Variants in ENTHD1 observed in about 807,000 individuals in gnomAD.
ENTHD1 encodes the protein ENTH domain-containing protein 1.
ENTHD1 carries 23 observed loss-of-function variants against 39.1 expected under a neutral mutation model. The ratio of observed to expected loss-of-function variants is 0.59; its 90% CI spans 0.42 to 0.83. ENTHD1 has a LOEUF of 0.83. Ranked by LOEUF, ENTHD1 falls within the 40% of genes least tolerant of loss-of-function variation. ENTHD1 has a pLI of 0.00. For missense variants in ENTHD1, 624 were observed against 705.4 expected, an observed-to-expected ratio of 0.88 and a Z score of 1.31; for synonymous variants, 230 against 258.2, an observed-to-expected ratio of 0.89 and a Z score of 1.05.
intron 2 of ENTHD1, among the ~76,000 whole-genome samples, chr22:39,881,851 G>A (rs1482803607): frequency 1.3e-5 from 2 of 152,162 alleles, no homozygotes; most frequent in Non-Finnish European, 2.9e-5. Flanking sequence ...AGCCATGCAG[G>A]TTTCTGGAAA....
At chr22:39,858,900 TCTC>T (rs1181799980) in intron 3 of ENTHD1, among the ~76,000 whole-genome samples, 2 of 152,174 alleles carry the variant, frequency 1.3e-5, no homozygotes, top group African/African-American at 4.8e-5. Flanking sequence ...GGCATTGACT[TCTC>T]CTCTCTAGCT....
chr22:39,842,508 CT>C (rs2065952677), intron 3 of ENTHD1, among the ~76,000 whole-genome samples: 2 of 152,168 alleles, frequency 1.3e-5, no homozygotes, highest in African/African-American at 4.8e-5. Context: ...TGCTGATACC[CT>C]TTCTTCCAGT....
In ENTHD1 at chr22:39,862,661, C is replaced by A. The variant is rs78670366; in HGVS notation, c.350-654G>T. ...TAGATATACTGACCTAGATGTATGA[C>A]CAGGACACATGGTTAAAGATTTAGA... On this transcript the variant is annotated intron_variant, in intron 2 of 6. Coordinates refer to ENST00000325157, the MANE Select transcript of ENTHD1 (RefSeq NM_152512.4). 7.4e-3 allele frequency among the ~76,000 whole-genome samples: 1,125 copies of A among 151,752 alleles called. 14 individuals are homozygous for A. Among genetic ancestry groups the A allele is most frequent in the African/African-American group, 0.026 (1,078 of 41,330 alleles).
intron 5 of ENTHD1, among the ~76,000 whole-genome samples, chr22:39,804,354 C>T (rs915225809): frequency 5.3e-5 from 8 of 150,464 alleles, no homozygotes; most frequent in African/African-American, 2.0e-4. Flanking sequence ...GGCGAGGTGG[C>T]ACATGCCTCT....
In ENTHD1 at chr22:39,861,954, G is replaced by A; in HGVS notation, c.403C>T (p.Pro135Ser). The part of the protein sequence containing the change: ...KQVITLLMDE[P>S]LLCKEREVAC... Reference sequence around the variant, plus strand: ...ACTTCCCTCTCTTTACACAGCAATGGTTCATCCATCAGCAATGTGATGACT... The same window carrying A: ...ACTTCCCTCTCTTTACACAGCAATGATTCATCCATCAGCAATGTGATGACT... Residue 135 changes from proline (P) to serine (S), a missense_variant, in exon 3 of 7, where the codon CCA becomes TCA. Physicochemically the swap from Pro to Ser is moderately conservative, Grantham distance 74. Coordinates refer to ENST00000325157, the MANE Select transcript of ENTHD1 (RefSeq NM_152512.4). 1 of 1,573,404 alleles carries A rather than the reference G, an allele frequency of 6.4e-7. No individual in the cohort carries two copies. Among genetic ancestry groups the A allele is most frequent in the Non-Finnish European group, 8.7e-7 (1 of 1,153,206 alleles).
chr22:39,822,733 T>C (rs1232983411), intron 4 of ENTHD1, among the ~76,000 whole-genome samples: 1 of 152,172 alleles, frequency 6.6e-6, no homozygotes, highest in Non-Finnish European at 1.5e-5. Context: ...GGATACTACA[T>C]AGTAGTAGTA....
chr22:39,889,473 C>T (rs1256429058), intron 1 of ENTHD1, among the ~76,000 whole-genome samples: 1 of 152,120 alleles, frequency 6.6e-6, no homozygotes, highest in Non-Finnish European at 1.5e-5. Context: ...AGACAGTGTA[C>T]CAAATTGATT....
At chr22:39,745,369 C>T (rs995360804) in intron 6 of ENTHD1, among the ~76,000 whole-genome samples, 7 of 152,162 alleles carry the variant, frequency 4.6e-5, no homozygotes, top group Admixed American at 4.6e-4. Context: ...GAACACATGG[C>T]TTATTTTTCT....
intron 2 of ENTHD1, among the ~76,000 whole-genome samples, chr22:39,886,619 C>G (rs938465786): frequency 4.6e-5 from 7 of 152,058 alleles, no homozygotes; most frequent in Admixed American, 4.6e-4. Flanking sequence ...TGAATTTTAT[C>G]CTCTTCTCAT....
At chr22:39,855,896 A>G (rs2066081180) in intron 3 of ENTHD1, among the ~76,000 whole-genome samples, 1 of 152,200 alleles carries the variant, frequency 6.6e-6, no homozygotes, top group African/African-American at 2.4e-5. Context: ...GGCCTCTACT[A>G]TCATAACTTG....
intron 5 of ENTHD1, among the ~76,000 whole-genome samples, chr22:39,806,363 C>T (rs2065640565): frequency 6.6e-6 from 1 of 152,202 alleles, no homozygotes; most frequent in Non-Finnish European, 1.5e-5. Context: ...TTTCAAAAGA[C>T]AGCCCTGCTG....
At chr22:39,773,914 C>G (rs2065347249) in intron 5 of ENTHD1, among the ~76,000 whole-genome samples, 2 of 152,060 alleles carry the variant, frequency 1.3e-5, no homozygotes, top group South Asian at 4.1e-4. Flanking sequence ...AAGAAGGACA[C>G]AAAAATTTCC....
At chr22:39,893,445 A>C (rs1027679520) in intron 1 of ENTHD1, 1 of 152,252 alleles carries the variant, frequency 6.6e-6, no homozygotes, top group African/African-American at 2.4e-5. Context: ...TCAGACCAGC[A>C]ATTACCCTAG....
chr22:39,862,276 G>T (rs1460892984), intron 2 of ENTHD1, among the ~76,000 whole-genome samples: 1 of 151,976 alleles, frequency 6.6e-6, no homozygotes, highest in Non-Finnish European at 1.5e-5. Flanking sequence ...ATGGCTGGGT[G>T]CGGTGGCTCA....
At chr22:39,883,801 CT>C (rs2066358785) in intron 2 of ENTHD1, among the ~76,000 whole-genome samples, 1 of 140,386 alleles carries the variant, frequency 7.1e-6, no homozygotes, top group Non-Finnish European at 1.5e-5. Context: ...CTTGCAGTGG[CT>C]GAGATCATGC....
chr22:39,779,893 G>GTT (rs879843739), intron 5 of ENTHD1, among the ~76,000 whole-genome samples: 20 of 151,718 alleles, frequency 1.3e-4, no homozygotes, highest in Non-Finnish European at 4.4e-5. Flanking sequence ...TATAAGATGG[G>GTT]TTTTTTTTGG....
At chr22:39,875,018 C>G (rs149795066) in intron 2 of ENTHD1, among the ~76,000 whole-genome samples, 1 of 152,296 alleles carries the variant, frequency 6.6e-6, no homozygotes, top group African/African-American at 2.4e-5. Context: ...GCATATCGCA[C>G]AGGAATGTTC....
chr22:39,748,427 C>CTT (rs113986555), intron 6 of ENTHD1, among the ~76,000 whole-genome samples: 1 of 146,558 alleles, frequency 6.8e-6, no homozygotes, highest in African/African-American at 2.5e-5. Context: ...ATTTTCTTTT[C>CTT]TTTTTTTTTT....
intron 6 of ENTHD1, among the ~76,000 whole-genome samples, chr22:39,753,236 AAT>A (rs2065160515): frequency 6.6e-6 from 1 of 152,236 alleles, no homozygotes; most frequent in Admixed American, 6.5e-5. Context: ...GGCTTATGAG[AAT>A]ATACTGAAGG....
Sources: gnomAD v4.1 joint callset for allele counts (sites outside exome capture counted in the v4.1 genomes callset) on GRCh38, gnomAD v4.1.1 for gene constraint, MANE v1.5 for transcripts, NCBI Gene and HGNC (gene_info 2026-07-23, HGNC 2026-07-21) for gene names.